The following GPATCH8 variants were observed in gnomAD, a reference collection of about 807,000 sequenced individuals.
GPATCH8 encodes G-patch domain containing 8.
A neutral mutation model predicts 118.3 loss-of-function variants in GPATCH8; 18 were observed. The ratio of observed to expected loss-of-function variants is 0.15; its 90% CI spans 0.11 to 0.23. The LOEUF is 0.23. Ranked by LOEUF, GPATCH8 falls within the 10% of genes least tolerant of loss-of-function variation. The pLI, the probability that GPATCH8 is intolerant of heterozygous loss-of-function variation, is 1.00. For missense variants in GPATCH8, 1,631 were observed against 1,873.8 expected (o/e 0.87, Z 2.39); for synonymous variants, 659 against 684.7 (o/e 0.96, Z 0.59).
chr17:44,449,795 G>A (rs944117714), intron 3 of GPATCH8, among the ~76,000 whole-genome samples: 2 of 152,230 alleles, frequency 1.3e-5, no homozygotes, highest in Non-Finnish European at 2.9e-5. Flanking sequence ...TTACAGGCGT[G>A]AGCCACTGCA....
chr17:44,431,879 T>A (rs538848917), intron 5 of GPATCH8, among the ~76,000 whole-genome samples: 4 of 151,920 alleles, frequency 2.6e-5, no homozygotes, highest in Non-Finnish European at 5.9e-5. Flanking sequence ...TGAGCTACGA[T>A]AGCACCACAG....
chr17:44,403,929 G>C (rs1289955062), intron 7 of GPATCH8, among the ~76,000 whole-genome samples: 3 of 151,450 alleles, frequency 2.0e-5, no homozygotes, highest in Middle Eastern at 3.5e-3. Context: ...CCTGACCTAA[G>C]GTGATCCACC....
chr17:44,489,375 C>G (rs1384514116), intron 1 of GPATCH8, among the ~76,000 whole-genome samples: 1 of 150,046 alleles, frequency 6.7e-6, no homozygotes, highest in Admixed American at 6.6e-5. Context: ...GATGGAGTCT[C>G]TGTCACCCAG....
intron 7 of GPATCH8, 81 bp from the exon 8 acceptor site, chr17:44,401,534 T>C (rs1276282375): frequency 9.0e-6 from 8 of 889,086 alleles, no homozygotes; most frequent in Middle Eastern, 2.2e-4. Context: ...TACTAATCTC[T>C]TATATCCTAT....
Position 44,397,954 on chromosome 17 carries a change from C to T in GPATCH8, c.4123G>A (p.Val1375Ile), listed in dbSNP as rs778437129. ...ATASATSITTVQHAILQHHAA... is the reference protein window; with the variant it reads ...ATASATSITTIQHAILQHHAA... ...TGATGTTGTAGGATGGCATGCTGAA[C>T]AGTTGTGATGGAGGTGGCAGAGGCT... is the stretch of plus-strand genomic sequence containing the variant. Residue 1375 changes from valine to isoleucine, a missense_variant, in exon 8 of 8, where the codon GTT (valine) becomes ATT (isoleucine). Val to Ile is a conservative substitution (Grantham distance 29, BLOSUM62 3). Transcript: ENST00000591680. The T allele has an allele frequency of 6.2e-7, 1 of 1,613,962 alleles. No individual in the cohort carries two copies. Among genetic ancestry groups the T allele is most frequent in the East Asian group, 2.2e-5 (1 of 44,874 alleles).
chr17:44,454,292 A>G (rs2051245326), intron 3 of GPATCH8, among the ~76,000 whole-genome samples: 1 of 151,860 alleles, frequency 6.6e-6, no homozygotes, highest in Non-Finnish European at 1.5e-5. Flanking sequence ...AGTGTGCACT[A>G]CCTTGCCTAA....
chr17:44,404,313 ATT>A (rs879901425), intron 7 of GPATCH8, among the ~76,000 whole-genome samples: 1 of 143,568 alleles, frequency 7.0e-6, no homozygotes, highest in African/African-American at 2.5e-5. Context: ...AATTTTTAAG[ATT>A]TTTTTTTTTT....
intron 3 of GPATCH8, among the ~76,000 whole-genome samples, chr17:44,439,511 G>A (rs776378018): frequency 5.9e-5 from 9 of 151,990 alleles, no homozygotes; most frequent in Non-Finnish European, 1.3e-4. Context: ...TTATTGCCTG[G>A]GCCAAGTAGT....
Position 44,481,553 on chromosome 17 carries a change from C to T in GPATCH8, c.46-6650G>A, listed in dbSNP as rs1968240057. On this transcript the variant is annotated intron_variant, in intron 1 of 7. Transcript: ENST00000591680. ...AGATCAGTGATTGTCAGAAGCTATA[C>T]ACTGGTTGTTGTGGTGGCTGCACTA... 2.0e-5 allele frequency among the ~76,000 whole-genome samples: 3 copies of T among 152,152 alleles called. No homozygotes were observed. The South Asian group carries it at 6.2e-4, about 31-fold the overall frequency.
At chr17:44,454,072 G>C (rs968096346) in intron 3 of GPATCH8, among the ~76,000 whole-genome samples, 1 of 152,056 alleles carries the variant, frequency 6.6e-6, no homozygotes. Context: ...TCCTATCTTT[G>C]GTAATATCTA....
intron 6 of GPATCH8, among the ~76,000 whole-genome samples, chr17:44,414,107 ATATATATATG>A (rs1445250735): frequency 1.7e-4 from 16 of 95,832 alleles, no homozygotes; most frequent in Non-Finnish European, 3.9e-4. Context: ...ATATGTGTGT[ATATATATATG>A]TATATATATG....
At chr17:44,453,422 C>T (rs2051190872) in intron 3 of GPATCH8, among the ~76,000 whole-genome samples, 1 of 151,298 alleles carries the variant, frequency 6.6e-6, no homozygotes, top group Non-Finnish European at 1.5e-5. Context: ...TTGTTAAGTG[C>T]TTAGCATATA....
chr17:44,436,679 G>T, intron 3 of GPATCH8, 134 bp from the exon 4 acceptor site: 1 of 719,858 alleles, frequency 1.4e-6, no homozygotes, highest in Non-Finnish European at 2.6e-6. Flanking sequence ...CCAAACACAA[G>T]CCATTCTCAC....
Position 44,399,717 on chromosome 17 carries a change from TTG to T in GPATCH8, c.2358_2359del (p.His786GlnfsTer3). The stretch of plus-strand genomic sequence containing the variant: ...GCAGGATGAAGGTGGAAGTTCACCT[TTG>T]TGTTTCCTCCCACCATGGTCTTGGG... On this transcript the variant is annotated frameshift_variant, in exon 8 of 8. Coordinates refer to ENST00000591680, the MANE Select transcript of GPATCH8 (RefSeq NM_001002909.4). LOFTEE classifies it high-confidence loss of function. 1 of 1,613,944 alleles carries T rather than the reference TTG, an allele frequency of 6.2e-7. No individual in the cohort carries two copies. Among genetic ancestry groups the T allele is most frequent in the Non-Finnish European group, 8.5e-7 (1 of 1,179,978 alleles).
At chr17:44,442,159 A>T (rs1317601115) in intron 3 of GPATCH8, among the ~76,000 whole-genome samples, 1 of 145,334 alleles carries the variant, frequency 6.9e-6, no homozygotes, top group African/African-American at 2.5e-5. Flanking sequence ...AGAGAGAAAG[A>T]GAGTTTCTAC....
At chr17:44,483,725 T>G (rs544939006) in intron 1 of GPATCH8, among the ~76,000 whole-genome samples, 1 of 152,258 alleles carries the variant, frequency 6.6e-6, no homozygotes, top group African/African-American at 2.4e-5. Context: ...CACTGCAACC[T>G]CTGCCCCCTG....
chr17:44,434,178 AAATG>A (rs1363405229), intron 5 of GPATCH8, among the ~76,000 whole-genome samples: 1 of 151,382 alleles, frequency 6.6e-6, no homozygotes. Flanking sequence ...ATAAATAAAT[AAATG>A]ATTTATTGGA....
chr17:44,398,782 A>G lies in GPATCH8; in HGVS notation c.3295T>C (p.Ser1099Pro), dbSNP rs759677150. 6.2e-7 allele frequency: 1 copy of G among 1,613,786 alleles called. No individual in the cohort carries two copies. Among genetic ancestry groups the G allele is most frequent in the Non-Finnish European group, 8.5e-7 (1 of 1,179,804 alleles). The change falls in exon 8 of 8, where the codon TCA becomes CCA. Residue 1099 changes from serine to proline, a missense_variant. By Grantham distance (74) the Ser-to-Pro change is moderately conservative. Coordinates refer to ENST00000591680, the MANE Select transcript of GPATCH8 (RefSeq NM_001002909.4). Reference protein sequence around the residue: ...TAKLLLEKIQSRKVERKPSVS... With the variant: ...TAKLLLEKIQPRKVERKPSVS... ...CTAGGTTTCCTCTCCACTTTCCTTGACTGGATCTTCTCCAGTAGCAGTTTG... is the reference window on the plus strand; with the variant it reads ...CTAGGTTTCCTCTCCACTTTCCTTGGCTGGATCTTCTCCAGTAGCAGTTTG...
intron 2 of GPATCH8, among the ~76,000 whole-genome samples, chr17:44,467,604 C>T (rs144516435): frequency 7.2e-4 from 109 of 152,252 alleles, no homozygotes; most frequent in African/African-American, 2.6e-3. Context: ...ATCTCTCCTC[C>T]CCTCACCAAC....
Sources: gnomAD v4.1 joint callset for allele counts (sites outside exome capture counted in the v4.1 genomes callset) on GRCh38, gnomAD v4.1.1 for gene constraint, MANE v1.5 for transcripts, NCBI Gene and HGNC (gene_info 2026-07-23, HGNC 2026-07-21) for gene names.